The following PPP3CC variants were observed in gnomAD, a reference collection of about 807,000 sequenced individuals.
The protein encoded by PPP3CC is serine/threonine-protein phosphatase 2B catalytic subunit gamma isoform.
A neutral mutation model predicts 60.3 loss-of-function variants in PPP3CC; 35 were observed. The observed-to-expected ratio is 0.58, with a 90% CI of 0.44 to 0.77. The LOEUF (loss-of-function observed/expected upper bound fraction) is 0.77, where lower values mean the gene tolerates loss of function less well. Ranked by LOEUF, PPP3CC falls within the 30% of genes least tolerant of loss-of-function variation. PPP3CC has a pLI of 0.00. For missense variants in PPP3CC, 570 were observed against 628.9 expected, an observed-to-expected ratio of 0.91 and a Z score of 1.00; for synonymous variants, 206 against 224.3, an observed-to-expected ratio of 0.92 and a Z score of 0.73.
intron 1 of PPP3CC, among the ~76,000 whole-genome samples, chr8:22,463,456 T>C (rs959954907): frequency 1.3e-5 from 2 of 152,202 alleles, no homozygotes; most frequent in Non-Finnish European, 2.9e-5. Context: ...CCAGGAACTT[T>C]AGATGAATGT....
intron 4 of PPP3CC, among the ~76,000 whole-genome samples, chr8:22,505,885 G>A (rs1000331215): frequency 6.6e-6 from 1 of 151,994 alleles, no homozygotes; most frequent in South Asian, 2.1e-4. Context: ...TTCTAGTACA[G>A]GGAGGGCATC....
chr8:22,519,376 A>G (rs1027607758), intron 6 of PPP3CC, among the ~76,000 whole-genome samples: 2 of 152,218 alleles, frequency 1.3e-5, no homozygotes, highest in African/African-American at 4.8e-5. Context: ...AATGATTGAT[A>G]GGTAAGGACT....
chr8:22,477,442 C>T (rs1022134804), intron 3 of PPP3CC, among the ~76,000 whole-genome samples: 15 of 150,802 alleles, frequency 9.9e-5, no homozygotes, highest in African/African-American at 2.4e-4. Context: ...CCGCTACACT[C>T]CAGCCTGGGT....
chr8:22,493,117 T>C (rs1168015386), intron 3 of PPP3CC: 3 of 1,554,360 alleles, frequency 1.9e-6, no homozygotes, highest in Non-Finnish European at 2.6e-6. Context: ...GCAAACTGAA[T>C]TGAGTCAACT....
chr8:22,538,767 C>G (rs1266025645), intron 12 of PPP3CC, among the ~76,000 whole-genome samples: 1 of 152,184 alleles, frequency 6.6e-6, no homozygotes, highest in Admixed American at 6.5e-5. Context: ...TAGTTACTGG[C>G]CAACTCTCTT....
At chr8:22,521,587 T>C (rs189707389) in intron 6 of PPP3CC, among the ~76,000 whole-genome samples, 57 of 152,296 alleles carry the variant, frequency 3.7e-4, no homozygotes, top group African/African-American at 1.3e-3. Flanking sequence ...AACTATTGTT[T>C]CTGTAGGAGG....
chr8:22,490,135 A>G (rs1838356581), intron 3 of PPP3CC, among the ~76,000 whole-genome samples: 2 of 152,000 alleles, frequency 1.3e-5, no homozygotes, highest in South Asian at 4.1e-4. Flanking sequence ...TACATCTAAT[A>G]TATTAATTTT....
intron 3 of PPP3CC, among the ~76,000 whole-genome samples, chr8:22,493,272 C>A (rs1838462536): frequency 6.6e-6 from 1 of 151,926 alleles, no homozygotes; most frequent in African/African-American, 2.4e-5. Flanking sequence ...CAGCTCTTTT[C>A]AGTTTTTGCT....
intron 1 of PPP3CC, among the ~76,000 whole-genome samples, chr8:22,454,552 T>C (rs1180412038): frequency 1.3e-5 from 2 of 152,228 alleles, no homozygotes; most frequent in Non-Finnish European, 2.9e-5. Context: ...GTTATCGTTA[T>C]ATGACTGGCA....
At position 22,500,890 on chromosome 8, in the gene PPP3CC, A is replaced by G. The variant is rs576343585; in HGVS notation, c.484+2778A>G. 1.7e-3 allele frequency among the ~76,000 whole-genome samples: 266 copies of G among 152,346 alleles called. 2 individuals carry two copies. Among genetic ancestry groups the G allele is most frequent in the Admixed American group, 1.3e-3 (20 of 15,300 alleles). On this transcript the variant is annotated intron_variant, in intron 4 of 13. Coordinates refer to ENST00000240139, the MANE Select transcript of PPP3CC (RefSeq NM_005605.5). ...TGGTGTAAGTTGAGCATGGTGGCTC[A>G]TGCCTGTAATCCCAGTACTTTTGGA... is the stretch of plus-strand genomic sequence containing the variant.
chr8:22,445,588 TA>T (rs1436064198), intron 1 of PPP3CC, among the ~76,000 whole-genome samples: 2 of 152,198 alleles, frequency 1.3e-5, no homozygotes, highest in African/African-American at 4.8e-5. Context: ...TATTTTAACA[TA>T]AATATTGTAA....
chr8:22,479,350 T>C (rs1300904893), intron 3 of PPP3CC, among the ~76,000 whole-genome samples: 1 of 152,136 alleles, frequency 6.6e-6, no homozygotes, highest in Non-Finnish European at 1.5e-5. Context: ...TTTTTTCTTC[T>C]TTTACATTTG....
intron 3 of PPP3CC, among the ~76,000 whole-genome samples, chr8:22,497,739 T>A (rs1319376662): frequency 6.6e-6 from 1 of 152,148 alleles, no homozygotes; most frequent in Non-Finnish European, 1.5e-5. Flanking sequence ...AAATACAGGT[T>A]TTACGACTAA....
chr8:22,539,217 GA>G (rs1424173394), intron 12 of PPP3CC, among the ~76,000 whole-genome samples: 5 of 152,102 alleles, frequency 3.3e-5, no homozygotes, highest in African/African-American at 4.8e-5. Flanking sequence ...TACCTAAAAT[GA>G]AAAGAGCAAT....
chr8:22,451,126 A>G (rs1403703980), intron 1 of PPP3CC, among the ~76,000 whole-genome samples: 3 of 144,262 alleles, frequency 2.1e-5, no homozygotes, highest in Non-Finnish European at 4.5e-5. Context: ...GGCGTGAGCC[A>G]CCGCACCCGG....
At chr8:22,520,170 G>C (rs1839367646) in intron 6 of PPP3CC, among the ~76,000 whole-genome samples, 1 of 152,026 alleles carries the variant, frequency 6.6e-6, no homozygotes, top group East Asian at 1.9e-4. Flanking sequence ...TGGCCTGCAA[G>C]GTTTCAGCTG....
intron 12 of PPP3CC, among the ~76,000 whole-genome samples, chr8:22,533,774 G>A (rs1428702500): frequency 2.6e-5 from 4 of 152,218 alleles, no homozygotes; most frequent in Admixed American, 2.0e-4. Context: ...GCAGTGAACC[G>A]AGATCGCGCC....
At chr8:22,451,658 T>C (rs1212939404) in intron 1 of PPP3CC, among the ~76,000 whole-genome samples, 1 of 152,214 alleles carries the variant, frequency 6.6e-6, no homozygotes, top group South Asian at 2.1e-4. Flanking sequence ...TGATATATCT[T>C]TTCCATGCAC....
chr8:22,484,577 C>CA (rs1461153918), intron 3 of PPP3CC, among the ~76,000 whole-genome samples: 3 of 152,174 alleles, frequency 2.0e-5, no homozygotes, highest in Admixed American at 6.5e-5. Context: ...TAGTTTGAGT[C>CA]AGTTACCAAT....
Sources: gnomAD v4.1 joint callset for allele counts (sites outside exome capture counted in the v4.1 genomes callset) on GRCh38, gnomAD v4.1.1 for gene constraint, MANE v1.5 for transcripts, NCBI Gene and HGNC (gene_info 2026-07-23, HGNC 2026-07-21) for gene names.